Variants in COG2 observed in about 807,000 individuals in gnomAD.
COG2 encodes component of oligomeric golgi complex 2, also known as conserved oligomeric Golgi complex subunit 2.
Under a neutral mutation model 90.6 loss-of-function variants are expected in COG2, and 52 were observed. That is an observed-to-expected ratio of 0.57 (90% CI 0.46 to 0.72). COG2 has a LOEUF of 0.72. Among genes scored for constraint, COG2 ranks in the 30% least tolerant of loss-of-function variants. The probability of loss-of-function intolerance (pLI) is 0.00; values close to 1 mark genes in which losing one functional copy is unlikely to be tolerated. For synonymous variants in COG2, 337 were observed against 320.4 expected (o/e 1.05, Z -0.55); for missense variants, 829 against 891.2 (o/e 0.93, Z 0.89).
chr1:230,669,400 TCTC>T lies in COG2; in HGVS notation c.642_644del (p.Leu216del), dbSNP rs1662393677. ...CCATGTTACAGCAGTCACTGGAAGG[TCTC>T]CTATTAGAAGGCCTTCAGACGTCTG... On this transcript the variant is annotated inframe_deletion, in exon 7 of 18. Coordinates refer to ENST00000366669, the MANE Select transcript of COG2 (RefSeq NM_007357.3). The T allele has an allele frequency of 6.2e-7, 1 of 1,613,894 alleles. No individual in the cohort carries two copies. Among genetic ancestry groups the T allele is most frequent in the Non-Finnish European group, 8.5e-7 (1 of 1,179,818 alleles).
intron 6 of COG2, 86 bp downstream of exon 6, chr1:230,668,870 C>T: frequency 1.2e-6 from 1 of 848,878 alleles, no homozygotes; most frequent in Non-Finnish European, 1.8e-6. Context: ...TGTTGATCTA[C>T]AGGGTTTTGA....
rs1449212388 is a variant in COG2 at position 230,660,414 on chromosome 1, G to T, written c.235-344G>T. On this transcript the variant is annotated intron_variant, in intron 2 of 17. Coordinates refer to ENST00000366669, the MANE Select transcript of COG2 (RefSeq NM_007357.3). ...CTTGAGACTTTCACATCAACTGGTT[G>T]AATATTGTAAATTACAGACAGATAG... is the stretch of plus-strand genomic sequence containing the variant. Among the ~76,000 whole-genome samples the T allele has an allele frequency of 7.9e-5, 12 of 152,142 alleles. 1 individual carries two copies. Among genetic ancestry groups the T allele is most frequent in the Admixed American group, 6.5e-4 (10 of 15,282 alleles).
chr1:230,655,359 G>C (rs1050827858), intron 1 of COG2, among the ~76,000 whole-genome samples: 15 of 152,256 alleles, frequency 9.9e-5, no homozygotes, highest in South Asian at 2.1e-4. Context: ...AGTTAATCTT[G>C]TGGTTTTTAT....
In COG2 at chr1:230,687,127, G is replaced by A. The variant is rs1051373489; in HGVS notation, c.1573G>A (p.Glu525Lys). The change falls in exon 13 of 18, where the codon GAG (glutamate) becomes AAG (lysine). Residue 525 changes from glutamate (E) to lysine (K), a missense_variant. By Grantham distance (56) the Glu-to-Lys change is moderately conservative (BLOSUM62 1). Transcript: ENST00000366669. ...GGTTGCAGACCTGGACAAGCTTCAG[G>A]AGCAGGTAAGCCTGTGTCCCAGAAT... Reference protein sequence around the residue: ...YVVADLDKLQEQLPELLEIIK... With the variant: ...YVVADLDKLQKQLPELLEIIK... 2.5e-6 allele frequency: 4 copies of A among 1,609,668 alleles called. No individual in the cohort carries two copies. The highest frequency in any genetic ancestry group is 3.4e-6 in the Non-Finnish European group (4 of 1,177,562).
At position 230,660,771 on chromosome 1, in the gene COG2, A is replaced by G; in HGVS notation, c.248A>G (p.Lys83Arg). Residue 83 changes from lysine to arginine, a missense_variant, in exon 3 of 18, where the codon AAA (lysine) becomes AGA (arginine). Coordinates refer to ENST00000366669, the MANE Select transcript of COG2 (RefSeq NM_007357.3). ...TTCTGCCTTTAGGTTGGCATGGACA[A>G]AGCCCTCAACCAGCTTTCTGTGCCT... ...NLSTNLVGMD[K>R]ALNQLSVPLG... The G allele has an allele frequency of 5.7e-6, 9 of 1,587,260 alleles. No individual in the cohort carries two copies. The highest frequency in any genetic ancestry group is 7.7e-6 in the Non-Finnish European group (9 of 1,169,070).
At chr1:230,677,300 G>T (rs571295298) in intron 9 of COG2, among the ~76,000 whole-genome samples, 1 of 152,086 alleles carries the variant, frequency 6.6e-6, no homozygotes, top group East Asian at 1.9e-4. Flanking sequence ...TTTGTTGTTT[G>T]TCTAGCCTCC....
chr1:230,691,115 A>G (rs540804999), intron 16 of COG2, among the ~76,000 whole-genome samples: 32 of 152,230 alleles, frequency 2.1e-4, no homozygotes, highest in Middle Eastern at 3.4e-3. Context: ...ACACACACAC[A>G]TATTTCTTAA....
chr1:230,663,258 A>G lies in COG2; in HGVS notation c.381+37A>G, dbSNP rs1156258335. Reference sequence around the variant, plus strand: ...TATTACAATATTAAATCGTTGATTCACTGTAGCACCTTGTAGTAACAAGCA... The same window carrying G: ...TATTACAATATTAAATCGTTGATTCGCTGTAGCACCTTGTAGTAACAAGCA... On this transcript the variant is annotated intron_variant, in intron 4 of 17. Coordinates refer to ENST00000366669, the MANE Select transcript of COG2 (RefSeq NM_007357.3). 3 of 1,534,494 alleles carry G rather than the reference A, an allele frequency of 2.0e-6. No homozygotes were observed. The South Asian group carries it at 3.5e-5, about 18-fold the overall frequency.
intron 1 of COG2, among the ~76,000 whole-genome samples, chr1:230,645,759 T>TG (rs1022694132): frequency 2.6e-5 from 4 of 152,180 alleles, no homozygotes; most frequent in African/African-American, 9.7e-5. Flanking sequence ...CAGTCCTGTC[T>TG]GGGGGGTGAT....
rs1662813284 is a variant in COG2 at position 230,683,736 on chromosome 1, T to TG, written c.1228+101_1228+102insG. The TG allele has an allele frequency of 3.7e-6, 3 of 800,596 alleles. No homozygotes were observed. The South Asian group carries it at 4.7e-5, about 12-fold the overall frequency. 49.6% of individuals were successfully genotyped at this position (800,596 alleles called of 1,614,324 possible). Reference sequence around the variant, plus strand: ...GTATTCTGAGCGTACTTTTACTGTTTTTTTTTTTTAATCATACAGTAAGTT... The same window carrying TG: ...GTATTCTGAGCGTACTTTTACTGTTTGTTTTTTTTTAATCATACAGTAAGTT... On this transcript the variant is annotated intron_variant, in intron 11 of 17. Coordinates refer to ENST00000366669, the MANE Select transcript of COG2 (RefSeq NM_007357.3).
Position 230,679,017 on chromosome 1 carries a change from T to C in COG2, c.1131T>C (p.Asn377=). ...LRAHPAYHSF[N]KKWNLPVYFQ... ...CCCATCCTGCCTATCACAGCTTCAATAAGAAGTGGAACTTGCCTGTTTATT... is the reference window on the plus strand; with the variant it reads ...CCCATCCTGCCTATCACAGCTTCAACAAGAAGTGGAACTTGCCTGTTTATT... The change falls in exon 10 of 18, where the codon AAT becomes AAC. Residue 377 remains asparagine (N), a synonymous_variant. Transcript: ENST00000366669. 1 of 1,613,560 alleles carries C rather than the reference T, an allele frequency of 6.2e-7. No individual in the cohort carries two copies.
In COG2 at chr1:230,668,683, T is replaced by C. The variant is rs765957409; in HGVS notation, c.493T>C (p.Leu165=). The C allele has an allele frequency of 6.2e-7, 1 of 1,610,192 alleles. No individual in the cohort carries two copies. Among genetic ancestry groups the C allele is most frequent in the South Asian group, 1.1e-5 (1 of 90,402 alleles). The part of the protein sequence containing the change: ...TSALEASSPL[L]TGQILERIAT... ...AACTGTTTTCTCTACTAGCCCCCTT[T>C]TGACTGGACAAATTTTGGAGAGAAT... is the stretch of plus-strand genomic sequence containing the variant. The change falls in exon 6 of 18, where the codon TTG becomes CTG. Residue 165 remains leucine (L), a synonymous_variant. Transcript: ENST00000366669.
At chr1:230,678,715 A>G (rs540799463) in intron 9 of COG2, 198 bp from the exon 10 acceptor site, 5 of 1,487,258 alleles carry the variant, frequency 3.4e-6, no homozygotes, top group East Asian at 5.4e-5. Flanking sequence ...CACGGAAGAC[A>G]TATCACAGAA....
intron 4 of COG2, 49 bp from the exon 5 acceptor site, chr1:230,664,435 A>AT: frequency 1.2e-6 from 1 of 827,858 alleles, no homozygotes; most frequent in Non-Finnish European, 1.8e-6. Flanking sequence ...AAATAAGAAA[A>AT]TTAAGATTAA....
At chr1:230,690,520 A>G (rs759691108) in intron 16 of COG2, among the ~76,000 whole-genome samples, 47 of 152,382 alleles carry the variant, frequency 3.1e-4, no homozygotes, top group Non-Finnish European at 6.3e-4. Context: ...TAATCATAAC[A>G]GATACTCAAA....
chr1:230,665,972 C>G (rs1286151696), intron 5 of COG2, among the ~76,000 whole-genome samples: 2 of 152,166 alleles, frequency 1.3e-5, no homozygotes, highest in Non-Finnish European at 2.9e-5. Context: ...CTCCAGGGCA[C>G]TGTTCTTGGG....
intron 3 of COG2, among the ~76,000 whole-genome samples, chr1:230,662,433 G>C (rs1368646350): frequency 1.3e-5 from 2 of 152,136 alleles, no homozygotes; most frequent in Non-Finnish European, 2.9e-5. Flanking sequence ...GATTTCTCCA[G>C]TTTATTCTAG....
chr1:230,655,415 T>G (rs1662024894), intron 1 of COG2, among the ~76,000 whole-genome samples: 1 of 152,250 alleles, frequency 6.6e-6, no homozygotes, highest in African/African-American at 2.4e-5. Flanking sequence ...GATTTGCGTG[T>G]GTTGAACCAG....
At chr1:230,678,229 C>T in intron 9 of COG2, 2 of 985,426 alleles carry the variant, frequency 2.0e-6, no homozygotes, top group Non-Finnish European at 2.4e-6. Flanking sequence ...ATTCTGCTTC[C>T]TCTACCGCCT....
Sources: gnomAD v4.1 joint callset for allele counts (sites outside exome capture counted in the v4.1 genomes callset) on GRCh38, gnomAD v4.1.1 for gene constraint, MANE v1.5 for transcripts, NCBI Gene and HGNC (gene_info 2026-07-23, HGNC 2026-07-21) for gene names.